WWOX: variants seen among roughly 807,000 people sequenced by gnomAD.
WWOX encodes the protein WW domain containing oxidoreductase.
A neutral mutation model predicts 46.2 loss-of-function variants in WWOX; 69 were observed. The ratio of observed to expected loss-of-function variants is 1.49; its 90% confidence interval spans 1.23 to 1.82. The LOEUF is 1.82. Ranked by LOEUF, WWOX falls within the 40% of genes most tolerant of loss-of-function variation. The pLI is 0.00. For missense variants in WWOX, 919 were observed against 542.6 expected, an observed-to-expected ratio of 1.69 and a Z score of -6.89; for synonymous variants, 359 against 202.6, an observed-to-expected ratio of 1.77 and a Z score of -6.56.
chr16:78,722,712 T>G (rs902298667), intron 8 of WWOX, among the ~76,000 whole-genome samples: 1 of 150,728 alleles, frequency 6.6e-6, no homozygotes, highest in African/African-American at 2.4e-5. Flanking sequence ...TTTTTTTTTT[T>G]TTTTTTTTTC....
intron 8 of WWOX, among the ~76,000 whole-genome samples, chr16:79,167,154 C>G (rs574063484): frequency 1.3e-5 from 2 of 152,238 alleles, no homozygotes; most frequent in South Asian, 4.1e-4. Context: ...GTTGGCCAAG[C>G]TGATCTGGAA....
At chr16:78,430,343 G>A (rs376157840) in intron 7 of WWOX, among the ~76,000 whole-genome samples, 14 of 152,152 alleles carry the variant, frequency 9.2e-5, no homozygotes, top group East Asian at 7.7e-4. Context: ...CAGCCGAACC[G>A]TATCAGTCAC....
At chr16:79,002,793 G>T (rs550623592) in intron 8 of WWOX, among the ~76,000 whole-genome samples, 1 of 152,212 alleles carries the variant, frequency 6.6e-6, no homozygotes, top group East Asian at 1.9e-4. Context: ...TCACACCAAG[G>T]CCTGTCTGGA....
chr16:79,212,392 A>AC lies in WWOX; in HGVS notation c.*596_*597insC. On this transcript the variant is annotated 3_prime_UTR_variant, in exon 9 of 9. Transcript: ENST00000566780. ...GAATACGCAGAACTACCAGGTGGCAAAGTACTTGTCATAGACTCCTTTGCT... is the reference window on the plus strand; with the variant it reads ...GAATACGCAGAACTACCAGGTGGCAACAGTACTTGTCATAGACTCCTTTGCT... The AC allele has an allele frequency of 4.3e-6, 2 of 465,900 alleles. No individual in the cohort carries two copies. The highest frequency in any genetic ancestry group is 8.0e-5 in the South Asian group (2 of 24,918). The allele number at this position is 465,900 out of a possible 1,614,324, so 28.9% of individuals were successfully genotyped here.
chr16:78,551,182 A>G (rs1015359005), intron 8 of WWOX: 1 of 152,186 alleles, frequency 6.6e-6, no homozygotes, highest in Non-Finnish European at 1.5e-5. Context: ...TGAAACAAAT[A>G]TCGTGAATAT....
Position 78,781,239 on chromosome 16 carries a change from C to T in WWOX, c.1056+348487C>T, listed in dbSNP as rs530575954. Among the ~76,000 whole-genome samples, 41 of 152,280 alleles carry T rather than the reference C, an allele frequency of 2.7e-4. No homozygotes were observed. The South Asian group carries it at 8.3e-3, about 31-fold the overall frequency. ...TATGTGGGTGGGAATTCTTTAATGT[C>T]TGCCTGGAACTGGGCACTCAGCTAT... On this transcript the variant is annotated intron_variant, in intron 8 of 8. Transcript: ENST00000566780.
rs1273477273 is a variant in WWOX, at chr16:78,347,707, A to C, written c.517-39153A>C. Among the ~76,000 whole-genome samples, 2 of 122,624 alleles carry C rather than the reference A, an allele frequency of 1.6e-5. 1 individual carries two copies. The highest frequency in any genetic ancestry group is 5.5e-5 in the African/African-American group (2 of 36,286). The allele number at this position is 122,624 out of a possible 152,430, so 80.4% of individuals were successfully genotyped here. ...CATTACTATCTTATTAAAGGTCAAGAAAAATAATTCATATCACTCACTATT... is the reference window on the plus strand; with the variant it reads ...CATTACTATCTTATTAAAGGTCAAGCAAAATAATTCATATCACTCACTATT... On this transcript the variant is annotated intron_variant, in intron 5 of 8. Coordinates refer to ENST00000566780, the MANE Select transcript of WWOX (RefSeq NM_016373.4).
intron 8 of WWOX, among the ~76,000 whole-genome samples, chr16:78,617,661 T>A (rs2046060657): frequency 6.6e-6 from 1 of 152,104 alleles, no homozygotes; most frequent in Non-Finnish European, 1.5e-5. Flanking sequence ...TCCTCAAGCT[T>A]GCATGGCGCT....
chr16:78,609,154 CT>C (rs1555503629), intron 8 of WWOX, among the ~76,000 whole-genome samples: 3 of 152,128 alleles, frequency 2.0e-5, no homozygotes, highest in Non-Finnish European at 2.9e-5. Flanking sequence ...TATTTGAAAT[CT>C]TTCTATCCTT....
chr16:78,382,508 C>A (rs186830077), intron 5 of WWOX, among the ~76,000 whole-genome samples: 2 of 152,088 alleles, frequency 1.3e-5, no homozygotes, highest in African/African-American at 2.4e-5. Flanking sequence ...GGGGGTTGTT[C>A]CTTACTGAAG....
rs1597722505 is a variant in WWOX at position 78,852,738 on chromosome 16, A to G, written c.1057-358870A>G. On this transcript the variant is annotated intron_variant, in intron 8 of 8. Transcript: ENST00000566780. ...CCCATATGCGCTGCCTACAGGATAA[A>G]TAATGTAATAGCTTAATAACAATTA... Among the ~76,000 whole-genome samples the G allele has an allele frequency of 3.9e-5, 6 of 152,218 alleles. No individual in the cohort carries two copies. The South Asian group carries it at 1.0e-3, about 26-fold the overall frequency.
intron 5 of WWOX, among the ~76,000 whole-genome samples, chr16:78,333,153 C>T (rs899369645): frequency 1.8e-4 from 27 of 147,296 alleles, no homozygotes; most frequent in African/African-American, 4.5e-4. Flanking sequence ...CAGGTTCAGG[C>T]GATTCTCCTG....
At chr16:78,586,719 T>C (rs888178202) in intron 8 of WWOX, among the ~76,000 whole-genome samples, 4 of 152,348 alleles carry the variant, frequency 2.6e-5, no homozygotes, top group East Asian at 1.9e-4. Flanking sequence ...ATCTTTATCA[T>C]AGCCCTTATG....
intron 8 of WWOX, among the ~76,000 whole-genome samples, chr16:78,580,738 C>G (rs929281831): frequency 6.6e-6 from 1 of 152,136 alleles, no homozygotes; most frequent in African/African-American, 2.4e-5. Flanking sequence ...GAGAAAATGG[C>G]GACAAAGATT....
intron 8 of WWOX, among the ~76,000 whole-genome samples, chr16:78,669,874 C>G (rs2047419528): frequency 6.6e-6 from 1 of 152,144 alleles, no homozygotes; most frequent in Admixed American, 6.5e-5. Context: ...TAAAGTTTCT[C>G]TCCACGTTAC....
intron 5 of WWOX, among the ~76,000 whole-genome samples, chr16:78,354,701 G>C (rs1479522767): frequency 2.6e-5 from 2 of 77,558 alleles, no homozygotes; most frequent in East Asian, 4.2e-4. Flanking sequence ...TCTTAAACTA[G>C]GTAAACTGTT....
intron 8 of WWOX, among the ~76,000 whole-genome samples, chr16:78,713,250 G>T (rs1182976329): frequency 3.5e-5 from 5 of 141,542 alleles, no homozygotes; most frequent in African/African-American, 1.4e-4. Context: ...CTTTAGCCTG[G>T]GTGACAAAGT....
intron 4 of WWOX, among the ~76,000 whole-genome samples, chr16:78,160,236 G>A (rs2034748580): frequency 6.6e-6 from 1 of 151,886 alleles, no homozygotes; most frequent in Non-Finnish European, 1.5e-5. Context: ...AGGCTGGAGT[G>A]AAGTGGCATG....
At chr16:78,627,054 C>A (rs767539677) in intron 8 of WWOX, among the ~76,000 whole-genome samples, 3 of 152,102 alleles carry the variant, frequency 2.0e-5, no homozygotes, top group African/African-American at 7.2e-5. Flanking sequence ...CCACCTCATA[C>A]ATACACAAAG....
Sources: allele counts gnomAD v4.1 joint callset (sites outside exome capture counted in the v4.1 genomes callset), GRCh38; gene constraint gnomAD v4.1.1; transcripts MANE v1.5; gene names NCBI Gene and HGNC (gene_info 2026-07-23, HGNC 2026-07-21).